Variants in RIMBP2 observed in about 807,000 individuals in gnomAD.
The protein encoded by RIMBP2 is RIMS binding protein 2.
Under a neutral mutation model 118.6 loss-of-function variants are expected in RIMBP2, and 48 were observed. That is an observed-to-expected ratio of 0.40 (90% CI 0.32 to 0.51). The LOEUF is 0.51. Among genes scored for constraint, RIMBP2 ranks in the 20% least tolerant of loss-of-function variants. The probability of loss-of-function intolerance (pLI) is 0.41; values close to 1 mark genes in which losing one functional copy is unlikely to be tolerated. For missense variants in RIMBP2, 1,551 were observed against 1,768.3 expected (o/e 0.88, Z 2.20); for synonymous variants, 762 against 742.9 (o/e 1.03, Z -0.42).
chr12:130,644,868 G>A (rs189105241), intron 1 of RIMBP2, among the ~76,000 whole-genome samples: 1 of 152,292 alleles, frequency 6.6e-6, no homozygotes, highest in African/African-American at 2.4e-5. Context: ...TGACTTCAAG[G>A]GCTGTGGCCC....
intron 2 of RIMBP2, among the ~76,000 whole-genome samples, chr12:130,535,805 G>T (rs1476012614): frequency 1.4e-5 from 2 of 144,334 alleles, no homozygotes; most frequent in Non-Finnish European, 3.0e-5. Flanking sequence ...TTGAGCCAGG[G>T]TCTTGCTCTG....
At chr12:130,610,139 G>T (rs2140563652) in intron 2 of RIMBP2, among the ~76,000 whole-genome samples, 1 of 150,556 alleles carries the variant, frequency 6.6e-6, no homozygotes, top group African/African-American at 2.5e-5. Context: ...TCCCGTTCTG[G>T]GGGAAAATGG....
Position 130,580,926 on chromosome 12 carries a change from GGTGTGTGT to G in RIMBP2, c.-217+47388_-217+47395del, listed in dbSNP as rs34292565. ...GGGAGACAGAGTGAGACCCAGCAAT[GGTGTGTGT>G]GTGTGTGTGTGTGTTTGTTTGTGTG... On this transcript the variant is annotated intron_variant, in intron 2 of 22. Transcript: ENST00000690449. 3.3e-5 allele frequency among the ~76,000 whole-genome samples: 5 copies of G among 149,442 alleles called. No individual in the cohort carries two copies. In the East Asian group the frequency reaches 5.9e-4, roughly 18 times the overall value.
At chr12:130,512,070 G>A (rs2050968673) in intron 3 of RIMBP2, among the ~76,000 whole-genome samples, 1 of 152,198 alleles carries the variant, frequency 6.6e-6, no homozygotes, top group Non-Finnish European at 1.5e-5. Context: ...CCTGGATAGA[G>A]GACTGATGCC....
intron 11 of RIMBP2, among the ~76,000 whole-genome samples, chr12:130,439,376 GGTGT>G (rs959418253): frequency 1.1e-4 from 17 of 150,312 alleles, no homozygotes; most frequent in East Asian, 2.0e-4. Flanking sequence ...TGTGTATGTG[GGTGT>G]GTGTATGTGG....
chr12:130,517,190 TG>T (rs1288048274), intron 3 of RIMBP2, among the ~76,000 whole-genome samples: 33 of 151,480 alleles, frequency 2.2e-4, no homozygotes, highest in African/African-American at 7.8e-4. Flanking sequence ...ATCAGGGGAG[TG>T]GAACTGCTGG....
intron 2 of RIMBP2, among the ~76,000 whole-genome samples, chr12:130,583,485 C>A (rs2058608856): frequency 6.6e-6 from 1 of 151,352 alleles, no homozygotes; most frequent in Admixed American, 6.6e-5. Flanking sequence ...ATCACCATCA[C>A]CTCATCACCA....
At chr12:130,566,674 C>G (rs557215608) in intron 2 of RIMBP2, among the ~76,000 whole-genome samples, 2 of 152,220 alleles carry the variant, frequency 1.3e-5, no homozygotes, top group African/African-American at 4.8e-5. Context: ...CAGCCCCAGC[C>G]GACAGCTTGA....
At position 130,639,849 on chromosome 12, in the gene RIMBP2, C is replaced by G. The variant is rs575714486; in HGVS notation, c.-351-11393G>C. ...ATTGAAAGCCGAGATGAAAACCTCC[C>G]CCAGGAAACGTAGTCAGGCTGCTCC... is the stretch of plus-strand genomic sequence containing the variant. On this transcript the variant is annotated intron_variant, in intron 1 of 22. Coordinates refer to ENST00000690449, the MANE Select transcript of RIMBP2 (RefSeq NM_001393629.1). Among the ~76,000 whole-genome samples the G allele has an allele frequency of 3.1e-4, 47 of 152,264 alleles. No homozygotes were observed. The Middle Eastern group carries it at 0.014, about 44-fold the overall frequency.
chr12:130,407,901 C>T (rs1014565009), intron 19 of RIMBP2, 72 bp from the exon 20 acceptor site: 20 of 1,371,798 alleles, frequency 1.5e-5, no homozygotes, highest in African/African-American at 7.1e-5. Flanking sequence ...CCCCTCCTTC[C>T]GGGTCACACA....
At chr12:130,632,386 T>C (rs1244359182) in intron 1 of RIMBP2, among the ~76,000 whole-genome samples, 1 of 144,598 alleles carries the variant, frequency 6.9e-6, no homozygotes. Context: ...CTGCAAGTGA[T>C]GTACATTTTT....
chr12:130,587,738 G>A (rs1425513893), intron 2 of RIMBP2, among the ~76,000 whole-genome samples: 11 of 132,206 alleles, frequency 8.3e-5, no homozygotes, highest in Non-Finnish European at 1.1e-4. Context: ...TAGATGACGA[G>A]TTAGTGGGTG....
Position 130,537,721 on chromosome 12 carries a change from G to A in RIMBP2, c.-216-19804C>T, listed in dbSNP as rs114506349. Among the ~76,000 whole-genome samples the A allele has an allele frequency of 1.9e-3, 291 of 152,250 alleles. 1 individual carries two copies. The highest frequency in any genetic ancestry group is 0.01 in the Middle Eastern group (3 of 294). On this transcript the variant is annotated intron_variant, in intron 2 of 22. Coordinates refer to ENST00000690449, the MANE Select transcript of RIMBP2 (RefSeq NM_001393629.1). ...ATCTCAAATTGCAAAGGAAACTCTCGTCCTATCATAAATTCATCAGCCCCA... is the reference window on the plus strand; with the variant it reads ...ATCTCAAATTGCAAAGGAAACTCTCATCCTATCATAAATTCATCAGCCCCA...
Position 130,670,210 on chromosome 12 carries a change from AG to A in RIMBP2, c.-351-41755del, listed in dbSNP as rs922347776. On this transcript the variant is annotated intron_variant, in intron 1 of 22. Coordinates refer to ENST00000690449, the MANE Select transcript of RIMBP2 (RefSeq NM_001393629.1). This position sits in a 1 kb window ranked among gnomAD's most constrained non-coding sequence, Gnocchi z 4.9. ...AAGAGGCCCTCCCTTGAGCTCTGGG[AG>A]GGAGCACAGCCCCGCCGACACCATG... 6.6e-6 allele frequency among the ~76,000 whole-genome samples: 1 copy of A among 151,982 alleles called. No individual in the cohort carries two copies. The highest frequency in any genetic ancestry group is 2.4e-5 in the African/African-American group (1 of 41,362).
At chr12:130,517,270 C>G (rs550709114) in intron 3 of RIMBP2, among the ~76,000 whole-genome samples, 2 of 152,134 alleles carry the variant, frequency 1.3e-5, no homozygotes, top group Non-Finnish European at 1.5e-5. Context: ...CCGCGGGGCA[C>G]CCTATACCAC....
At chr12:130,514,894 T>TG (rs397971157) in intron 3 of RIMBP2, among the ~76,000 whole-genome samples, 7 of 152,126 alleles carry the variant, frequency 4.6e-5, no homozygotes, top group African/African-American at 1.7e-4. Context: ...ACTTTTTTTT[T>TG]GAGACAGAGT....
intron 1 of RIMBP2, among the ~76,000 whole-genome samples, chr12:130,639,234 C>T (rs767929855): frequency 8.6e-5 from 13 of 151,578 alleles, no homozygotes; most frequent in Non-Finnish European, 1.8e-4. Flanking sequence ...ACTAAAAATA[C>T]AAAAATTAGC....
intron 2 of RIMBP2, among the ~76,000 whole-genome samples, chr12:130,599,195 T>A (rs909334658): frequency 6.6e-5 from 10 of 152,326 alleles, no homozygotes; most frequent in South Asian, 2.1e-4. Flanking sequence ...CATCAATTTG[T>A]GACTTTAGAT....
At chr12:130,416,921 A>T (rs1185815158) in intron 17 of RIMBP2, among the ~76,000 whole-genome samples, 1 of 152,142 alleles carries the variant, frequency 6.6e-6, no homozygotes, top group African/African-American at 2.4e-5. Context: ...TTCTCAAAAG[A>T]TCACATACAA....
Sources: allele counts gnomAD v4.1 joint callset (sites outside exome capture counted in the v4.1 genomes callset), GRCh38; gene constraint gnomAD v4.1.1; non-coding constraint Gnocchi (gnomAD v3.1); transcripts MANE v1.5; gene names NCBI Gene and HGNC (gene_info 2026-07-23, HGNC 2026-07-21).